The following VSIG8 variants were observed in gnomAD, a reference collection of about 807,000 sequenced individuals.
The protein encoded by VSIG8 is V-set and immunoglobulin domain-containing protein 8.
In VSIG8, 32 loss-of-function variants were observed where a neutral mutation model predicts 42.6. The observed-to-expected ratio is 0.75, with a 90% CI of 0.57 to 1.01. The LOEUF (loss-of-function observed/expected upper bound fraction) is 1.01. VSIG8 is among the 50% of genes least tolerant of loss of function. The pLI is 0.00. For missense variants in VSIG8, 529 were observed against 558.0 expected (o/e 0.95, Z 0.52); for synonymous variants, 290 against 243.8 (o/e 1.19, Z -1.77).
chr1:159,856,718 G>A, intron 4 of VSIG8, 75 bp from the exon 5 acceptor site: 40 of 1,572,602 alleles, frequency 2.5e-5, no homozygotes, highest in Non-Finnish European at 3.2e-5. Context: ...GGTGGGGGAT[G>A]GGACACCCAC....
At chr1:159,855,239 C>T in intron 6 of VSIG8, 1 of 1,551,432 alleles carries the variant, frequency 6.4e-7, no homozygotes, top group Non-Finnish European at 8.7e-7. Flanking sequence ...CATCCCCATC[C>T]TCCAGACAGG....
chr1:159,862,239 T>C (rs138752116), intron 1 of VSIG8: 2 of 450,750 alleles, frequency 4.4e-6, no homozygotes, highest in Non-Finnish European at 7.8e-6. Context: ...AGGGGACATA[T>C]AAAGATCCAC....
Position 159,858,160 on chromosome 1 carries a change from A to G in VSIG8, c.360T>C (p.Asp120=), listed in dbSNP as rs770241361. Residue 120 remains aspartate (D), a synonymous_variant, in exon 3 of 7, where the codon GAT becomes GAC. Transcript: ENST00000368100. ...SINLMNLQVS[D]TATYECRVKK... is the part of the protein sequence containing the mutation. ...TCACCCGGCACTCATAAGTGGCTGTATCAGATACCTGCAGGTTCATGAGGT... is the reference window on the plus strand; with the variant it reads ...TCACCCGGCACTCATAAGTGGCTGTGTCAGATACCTGCAGGTTCATGAGGT... The G allele has an allele frequency of 1.2e-6, 2 of 1,614,202 alleles. No individual in the cohort carries two copies. The highest frequency in any genetic ancestry group is 1.7e-6 in the Non-Finnish European group (2 of 1,180,030).
rs1201516829 is a variant in VSIG8, at chr1:159,858,916, G to A, written c.50-4C>T. On this transcript the variant is annotated splice_region_variant and splice_polypyrimidine_tract_variant and intron_variant, in intron 1 of 6. Coordinates refer to ENST00000368100, the MANE Select transcript of VSIG8 (RefSeq NM_001013661.1). ...ATCCGCACAGCAGACAGCAGTGCTA[G>A]GGGGAGGGCAGAGAAGATGGGGTGG... The A allele has an allele frequency of 6.2e-7, 1 of 1,611,288 alleles. No homozygotes were observed. The highest frequency in any genetic ancestry group is 8.5e-7 in the Non-Finnish European group (1 of 1,178,652).
chr1:159,855,180 CT>C lies in VSIG8; in HGVS notation c.972-155del, dbSNP rs1242016914. Reference sequence around the variant, plus strand: ...TCTCCCTCGGCCTCGACCTACTGTCCTTTGTGACCCTTCCTGGGTCGGCGAC... The same window carrying C: ...TCTCCCTCGGCCTCGACCTACTGTCCTTGTGACCCTTCCTGGGTCGGCGAC... On this transcript the variant is annotated intron_variant, in intron 6 of 6. Coordinates refer to ENST00000368100, the MANE Select transcript of VSIG8 (RefSeq NM_001013661.1). 1.9e-6 allele frequency: 3 copies of C among 1,551,594 alleles called. No homozygotes were observed. The Admixed American group carries it at 5.9e-5, about 30-fold the overall frequency.
In VSIG8 at chr1:159,854,867, G is replaced by C. The variant is rs922910557; in HGVS notation, c.1131C>G (p.Thr377=). 1.4e-6 allele frequency: 2 copies of C among 1,466,798 alleles called. No individual in the cohort carries two copies. Among genetic ancestry groups the C allele is most frequent in the African/African-American group, 3.0e-5 (2 of 67,426 alleles). The allele number at this position is 1,466,798 out of a possible 1,614,324, so 90.9% of individuals were successfully genotyped here. Residue 377 remains threonine (T), a synonymous_variant, in exon 7 of 7, where the codon ACC becomes ACG. Coordinates refer to ENST00000368100, the MANE Select transcript of VSIG8 (RefSeq NM_001013661.1). ...GGCCCGCTTCGCAGGCGGCGGCGGC[G>C]GTGCAGGGCGCCAGGGCCACGTCCT... ...GPEDVALAPC[T]AAAACEAGPS... is the part of the protein sequence containing the mutation.
Position 159,854,657 on chromosome 1 carries a change from G to A in VSIG8, c.*96C>T, listed in dbSNP as rs2101825461. 2 of 1,348,398 alleles carry A rather than the reference G, an allele frequency of 1.5e-6. No homozygotes were observed. Among genetic ancestry groups the A allele is most frequent in the Non-Finnish European group, 9.5e-7 (1 of 1,055,684 alleles). The allele number at this position is 1,348,398 out of a possible 1,614,324, so 83.5% of individuals were successfully genotyped here. On this transcript the variant is annotated 3_prime_UTR_variant, in exon 7 of 7. Transcript: ENST00000368100. Reference sequence around the variant, plus strand: ...CCAGCCGCCTGGCAGCCTGGGGCGAGCGAGGTCGTCCCCAGCCCCGACGTG... The same window carrying A: ...CCAGCCGCCTGGCAGCCTGGGGCGAACGAGGTCGTCCCCAGCCCCGACGTG...
rs934989179 is a variant in VSIG8, at chr1:159,857,536, T to C, written c.652+209A>G. Among the ~76,000 whole-genome samples the C allele has an allele frequency of 1.7e-4, 25 of 147,838 alleles. No individual in the cohort carries two copies. In the Admixed American group the frequency reaches 1.8e-3, roughly 10 times the overall value. On this transcript the variant is annotated intron_variant, in intron 4 of 6. Coordinates refer to ENST00000368100, the MANE Select transcript of VSIG8 (RefSeq NM_001013661.1). Reference sequence around the variant, plus strand: ...GTTGCAGTGAGCCGAGATCATGCCATTGCCCTCCAGCTTGGGCAACAAGAG... The same window carrying C: ...GTTGCAGTGAGCCGAGATCATGCCACTGCCCTCCAGCTTGGGCAACAAGAG...
At chr1:159,855,219 C>A (rs574535669) in intron 6 of VSIG8, 193 bp from the exon 7 acceptor site, 10 of 1,551,684 alleles carry the variant, frequency 6.4e-6, no homozygotes, top group Non-Finnish European at 8.7e-6. Flanking sequence ...TGCAGCGGTC[C>A]CGGAGCCAGC....
chr1:159,855,450 C>A, intron 6 of VSIG8: 2 of 1,414,612 alleles, frequency 1.4e-6, no homozygotes, highest in South Asian at 3.2e-5. Flanking sequence ...ATCCCCGAGG[C>A]ATTGCAATCA....
chr1:159,862,594 A>G lies in VSIG8; in HGVS notation c.-73T>C. On this transcript the variant is annotated 5_prime_UTR_variant, in exon 1 of 7. Coordinates refer to ENST00000368100, the MANE Select transcript of VSIG8 (RefSeq NM_001013661.1). ...GTCGTAGTGGTGGGTGTGAGGGGGT[A>G]GGTGGAGGGAGGGGGAGCTGAGGGC... 4.4e-6 allele frequency: 3 copies of G among 674,872 alleles called. No individual in the cohort carries two copies. Among genetic ancestry groups the G allele is most frequent in the South Asian group, 1.5e-5 (1 of 66,198 alleles). The allele number at this position is 674,872 out of a possible 1,614,324, so 41.8% of individuals were successfully genotyped here.
At chr1:159,861,114 G>A (rs559871998) in intron 1 of VSIG8, 8 of 152,458 alleles carry the variant, frequency 5.2e-5, no homozygotes, top group Admixed American at 2.6e-4. Flanking sequence ...TGAGAGGAGA[G>A]GCTGGAGAGA....
chr1:159,859,801 C>A (rs754686650), intron 1 of VSIG8, among the ~76,000 whole-genome samples: 4 of 152,130 alleles, frequency 2.6e-5, no homozygotes, highest in African/African-American at 4.8e-5. Context: ...GCTGCCCCCA[C>A]AAGCTGGCTT....
At chr1:159,855,820 G>T in intron 6 of VSIG8, 63 bp downstream of exon 6, 1 of 1,483,666 alleles carries the variant, frequency 6.7e-7, no homozygotes. Context: ...GCAGGCAGGA[G>T]TGAGGTGGGC....
chr1:159,858,100 G>A lies in VSIG8; in HGVS notation c.420C>T (p.Val140=), dbSNP rs367756324. The A allele has an allele frequency of 6.2e-7, 1 of 1,614,120 alleles. No homozygotes were observed. Among genetic ancestry groups the A allele is most frequent in the African/African-American group, 1.3e-5 (1 of 74,942 alleles). The stretch of plus-strand genomic sequence containing the variant: ...GGAGTCTGGCCATACCTTGGACAGT[G>A]ACAATGACCTTCCGGGTGGCCATGG... The part of the protein sequence containing the change: ...KTTMATRKVI[V]TVQARPAVPM... Residue 140 remains valine, a synonymous_variant, in exon 3 of 7, where the codon GTC becomes GTT. Transcript: ENST00000368100.
Position 159,858,891 on chromosome 1 carries a change from A to T in VSIG8, c.71T>A (p.Ile24Asn). ...CAGGACCTCCTGTCCATCCCCGTTG[A>T]TCCGCACAGCAGACAGCAGTGCTAG... is the stretch of plus-strand genomic sequence containing the variant. ...LSPALLSAVR[I>N]NGDGQEVLYL... The change falls in exon 2 of 7, where the codon ATC becomes AAC. Residue 24 changes from isoleucine to asparagine, a missense_variant. Transcript: ENST00000368100. 1.9e-6 allele frequency: 3 copies of T among 1,613,756 alleles called. No homozygotes were observed. The highest frequency in any genetic ancestry group is 2.5e-6 in the Non-Finnish European group (3 of 1,179,906).
chr1:159,856,389 G>A, intron 5 of VSIG8, 135 bp downstream of exon 5: 1 of 1,469,222 alleles, frequency 6.8e-7, no homozygotes, highest in South Asian at 1.3e-5. Context: ...CCCACTTGTA[G>A]GAAAGGGGCT....
chr1:159,857,575 CAAA>C (rs10683798), intron 4 of VSIG8, among the ~76,000 whole-genome samples, 167 bp downstream of exon 4: 4 of 121,210 alleles, frequency 3.3e-5, no homozygotes, highest in African/African-American at 3.2e-5. Flanking sequence ...AACTCTGTCT[CAAA>C]AAAAAAAAAA....
At chr1:159,859,067 G>A (rs1314364090) in intron 1 of VSIG8, among the ~76,000 whole-genome samples, 155 bp from the exon 2 acceptor site, 9 of 152,118 alleles carry the variant, frequency 5.9e-5, no homozygotes, top group Non-Finnish European at 1.5e-5. Flanking sequence ...GGGTGTGTAT[G>A]TGTGTGTGCA....
Sources: allele counts gnomAD v4.1 joint callset (sites outside exome capture counted in the v4.1 genomes callset), GRCh38; gene constraint gnomAD v4.1.1; transcripts MANE v1.5; gene names NCBI Gene and HGNC (gene_info 2026-07-23, HGNC 2026-07-21).